The following AGO2 variants were observed in gnomAD, a reference collection of about 807,000 sequenced individuals.
The protein encoded by AGO2 is protein argonaute-2.
A neutral mutation model predicts 102.3 loss-of-function variants in AGO2; 5 were observed. The ratio of observed to expected loss-of-function variants is 0.05; its 90% confidence interval spans 0.03 to 0.10. The LOEUF is 0.10. Ranked by LOEUF, AGO2 falls within the 10% of genes least tolerant of loss-of-function variation. The pLI, the probability that AGO2 is intolerant of heterozygous loss-of-function variation, is 1.00. For synonymous variants in AGO2, 449 were observed against 473.1 expected (o/e 0.95, Z 0.66); for missense variants, 541 against 1,183.7 (o/e 0.46, Z 7.97).
At position 140,524,044 on chromosome 8, in the gene AGO2, T is replaced by G. The variant is rs1351022000; in HGVS notation, c.*8000A>C. 1.3e-5 allele frequency: 2 copies of G among 152,218 alleles called. No homozygotes were observed. The highest frequency in any genetic ancestry group is 2.9e-5 in the Non-Finnish European group (2 of 68,036). The allele number at this position is 152,218 out of a possible 1,614,324, so 9.4% of individuals were successfully genotyped here. The stretch of plus-strand genomic sequence containing the variant: ...TAGAGATAAAAACTGCCTGTTAGGT[T>G]AAGTCAAAACTGGTGTCCTATGTGC... On this transcript the variant is annotated 3_prime_UTR_variant, in exon 19 of 19. Transcript: ENST00000220592.
chr8:140,612,970 T>G (rs1157247570), intron 1 of AGO2, among the ~76,000 whole-genome samples: 1 of 151,452 alleles, frequency 6.6e-6, no homozygotes. Flanking sequence ...GAGGCCGAGG[T>G]GGGCAGATCA....
Position 140,540,269 on chromosome 8 carries a change from T to C in AGO2, c.2035-815A>G, listed in dbSNP as rs995332163. ...GGAAGGCAAATGGGGGAGGCTGGGC[T>C]GCGTGCCATCCCGCCTCCTGATCAA... is the stretch of plus-strand genomic sequence containing the variant. On this transcript the variant is annotated intron_variant, in intron 15 of 18. Transcript: ENST00000220592. The surrounding 1 kb of genome is among the most constrained non-coding windows in gnomAD (Gnocchi z 5.0). Among the ~76,000 whole-genome samples the C allele has an allele frequency of 2.0e-5, 3 of 152,166 alleles. No individual in the cohort carries two copies. The South Asian group carries it at 6.2e-4, about 31-fold the overall frequency.
intron 17 of AGO2, among the ~76,000 whole-genome samples, chr8:140,532,908 G>C (rs997184582): frequency 2.0e-5 from 3 of 151,122 alleles, no homozygotes; most frequent in African/African-American, 7.3e-5. Context: ...TGAGGCAGGA[G>C]AATCACTTGA....
chr8:140,559,870 A>G (rs1167033390), intron 5 of AGO2, among the ~76,000 whole-genome samples: 6 of 152,208 alleles, frequency 3.9e-5, no homozygotes, highest in Non-Finnish European at 5.9e-5. Context: ...CCTTTTATGT[A>G]GTTCTTTTTC....
chr8:140,620,562 A>G (rs1365739910), intron 1 of AGO2, among the ~76,000 whole-genome samples: 1 of 152,202 alleles, frequency 6.6e-6, no homozygotes, highest in Non-Finnish European at 1.5e-5. Flanking sequence ...CACAATAAAA[A>G]GCCCTTTAAA....
At chr8:140,596,994 G>A (rs957877382) in intron 1 of AGO2, among the ~76,000 whole-genome samples, 3 of 152,194 alleles carry the variant, frequency 2.0e-5, no homozygotes, top group Non-Finnish European at 4.4e-5. Flanking sequence ...CCCAGAGTGC[G>A]TCCCACTGTT....
chr8:140,558,416 CCAGAGTGTGCCCGTCGGAGTGA>C lies in AGO2; in HGVS notation c.878+47_878+68del, dbSNP rs1466093406. On this transcript the variant is annotated intron_variant, in intron 7 of 18. Transcript: ENST00000220592. Reference sequence around the variant, plus strand: ...GGAGAATGGGCACAGAATCATGGCTCCAGAGTGTGCCCGTCGGAGTGACAGTGGGGGCCCCAGCCAAGAGAGT... The same window carrying C: ...GGAGAATGGGCACAGAATCATGGCTCCAGTGGGGGCCCCAGCCAAGAGAGT... 7 of 1,502,252 alleles carry C rather than the reference CCAGAGTGTGCCCGTCGGAGTGA, an allele frequency of 4.7e-6. No individual in the cohort carries two copies. In the African/African-American group the frequency reaches 9.7e-5, roughly 21 times the overall value. The allele number at this position is 1,502,252 out of a possible 1,614,324, so 93.1% of individuals were successfully genotyped here.
intron 1 of AGO2, among the ~76,000 whole-genome samples, chr8:140,605,524 G>A (rs75224336): frequency 0.029 from 4,442 of 152,312 alleles, 127 homozygotes; most frequent in African/African-American, 0.068. Flanking sequence ...GAGGACGCAC[G>A]GGGATACCAG....
chr8:140,547,737 T>C (rs2072925532), intron 12 of AGO2, 110 bp from the exon 13 acceptor site: 5 of 1,448,396 alleles, frequency 3.5e-6, no homozygotes, highest in Non-Finnish European at 4.6e-6. Context: ...AGTGCAGCCA[T>C]GGCAGCTGTG....
At chr8:140,552,740 GCACACACACA>G (rs58668484) in intron 10 of AGO2, among the ~76,000 whole-genome samples, 1,476 of 130,966 alleles carry the variant, frequency 0.011, 27 homozygotes, top group African/African-American at 0.04. Context: ...GCGCGCGCGC[GCACACACACA>G]CACACACACA....
chr8:140,611,488 G>A (rs918094050), intron 1 of AGO2, among the ~76,000 whole-genome samples: 15 of 151,720 alleles, frequency 9.9e-5, no homozygotes, highest in Non-Finnish European at 2.1e-4. Context: ...CCACCACACC[G>A]GGCTAATTTT....
Position 140,539,951 on chromosome 8 carries a change from G to T in AGO2, c.2035-497C>A, listed in dbSNP as rs2072765441. Among the ~76,000 whole-genome samples, 1 of 152,202 alleles carries T rather than the reference G, an allele frequency of 6.6e-6. No individual in the cohort carries two copies. The highest frequency in any genetic ancestry group is 1.5e-5 in the Non-Finnish European group (1 of 68,034). On this transcript the variant is annotated intron_variant, in intron 15 of 18. Transcript: ENST00000220592. The surrounding 1 kb of genome is among the most constrained non-coding windows in gnomAD (Gnocchi z 4.7). ...AAAATACAAAAATTAACTGGGCGTG[G>T]TGGTGGGCACCTGTCGTAATCCCAG...
rs56012516 is a variant in AGO2, at chr8:140,594,825, CTG to C, written c.23-9516_23-9515del. Among the ~76,000 whole-genome samples the C allele has an allele frequency of 7.0e-3, 1,020 of 145,846 alleles. 2 individuals carry two copies. The highest frequency in any genetic ancestry group is 7.9e-3 in the African/African-American group (309 of 39,286). On this transcript the variant is annotated intron_variant, in intron 1 of 18. Coordinates refer to ENST00000220592, the MANE Select transcript of AGO2 (RefSeq NM_012154.5). ...ACCCGTCTCGACGGAAAGAAAAAAA[CTG>C]TGTGTGTGTGTGTGTGTGTGTGTGT...
At chr8:140,556,920 C>T (rs1355667483) in intron 8 of AGO2, among the ~76,000 whole-genome samples, 169 bp downstream of exon 8, 1 of 152,214 alleles carries the variant, frequency 6.6e-6, no homozygotes, top group African/African-American at 2.4e-5. Context: ...CTACTGAAGG[C>T]AAAACCGAGG....
Position 140,624,169 on chromosome 8 carries a change from C to A in AGO2, c.22+11316G>T, listed in dbSNP as rs143459786. Among the ~76,000 whole-genome samples the A allele has an allele frequency of 4.0e-3, 608 of 152,250 alleles. 4 individuals are homozygous for A. The highest frequency in any genetic ancestry group is 0.014 in the African/African-American group (570 of 41,542). ...GCACCCACTGTCCTCAGGCCAGCTC[C>A]GAAGAGCCCCCACCCAGCAGGTCTC... On this transcript the variant is annotated intron_variant, in intron 1 of 18. Transcript: ENST00000220592.
chr8:140,575,225 G>A (rs368409036), intron 2 of AGO2, among the ~76,000 whole-genome samples: 13 of 151,894 alleles, frequency 8.6e-5, no homozygotes, highest in African/African-American at 1.7e-4. Flanking sequence ...TGGCAGCCAC[G>A]GCACAATCTC....
At chr8:140,576,370 C>T (rs1019671309) in intron 2 of AGO2, among the ~76,000 whole-genome samples, 2 of 152,122 alleles carry the variant, frequency 1.3e-5, no homozygotes, top group African/African-American at 4.8e-5. Flanking sequence ...GGAAATATTC[C>T]ATAATCACAA....
At position 140,572,879 on chromosome 8, in the gene AGO2, C is replaced by T. The variant is rs751304634; in HGVS notation, c.269G>A (p.Arg90Gln). The change falls in exon 3 of 19, where the codon CGG (arginine) becomes CAG (glutamine). Residue 90 changes from arginine to glutamine, a missense_variant. Transcript: ENST00000220592. The stretch of plus-strand genomic sequence containing the variant: ...CTTCCTGCCGTCAAACACGGGCTTC[C>T]GATCCCCAAAGATCTGTGTTTTAAA... ...QHFKTQIFGD[R>Q]KPVFDGRKNL... The T allele has an allele frequency of 1.2e-5, 20 of 1,613,986 alleles. No individual in the cohort carries two copies. The highest frequency in any genetic ancestry group is 4.4e-5 in the South Asian group (4 of 91,076).
chr8:140,635,556 C>A lies in AGO2; in HGVS notation c.-50G>T. 1.0e-6 allele frequency: 1 copy of A among 977,258 alleles called. No homozygotes were observed. Among genetic ancestry groups the A allele is most frequent in the South Asian group, 4.6e-5 (1 of 21,804 alleles). 60.5% of individuals were successfully genotyped at this position (977,258 alleles called of 1,614,324 possible). A position where few individuals can be genotyped will look rare whatever the true frequency, so the allele number is the denominator to read the frequency against. ...GGCCGAGGGGCGGCCGCGCGCGCGC[C>A]ACGGGCCCCGACGCCGCGAGCCGCG... On this transcript the variant is annotated 5_prime_UTR_variant, in exon 1 of 19. Transcript: ENST00000220592.
Sources: gnomAD v4.1 joint callset for allele counts (sites outside exome capture counted in the v4.1 genomes callset) on GRCh38, gnomAD v4.1.1 for gene constraint, Gnocchi (gnomAD v3.1) non-coding constraint, MANE v1.5 for transcripts, NCBI Gene and HGNC (gene_info 2026-07-23, HGNC 2026-07-21) for gene names.